The following TACR3 variants were observed in gnomAD, a reference collection of about 807,000 sequenced individuals.
TACR3 encodes the protein neuromedin-K receptor.
Under a neutral mutation model 35.0 loss-of-function variants are expected in TACR3, and 34 were observed. The ratio of observed to expected loss-of-function variants is 0.97; its 90% CI spans 0.74 to 1.30. TACR3 has a LOEUF of 1.30. Among genes scored for constraint, TACR3 ranks in the 50% most tolerant of loss-of-function variants. The pLI is 0.00. For missense variants in TACR3, 558 were observed against 591.7 expected (o/e 0.94, Z 0.59); for synonymous variants, 233 against 221.1 (o/e 1.05, Z -0.48).
At chr4:103,623,778 C>T (rs1157549762) in intron 3 of TACR3, among the ~76,000 whole-genome samples, 1 of 152,198 alleles carries the variant, frequency 6.6e-6, no homozygotes, top group African/African-American at 2.4e-5. Flanking sequence ...TATGCATAGT[C>T]CTTCTTGCAA....
chr4:103,604,168 C>A (rs1724287918), intron 3 of TACR3, among the ~76,000 whole-genome samples: 1 of 152,194 alleles, frequency 6.6e-6, no homozygotes, highest in African/African-American at 2.4e-5. Flanking sequence ...ACCAAAACAC[C>A]ATGGTACTGG....
intron 1 of TACR3, among the ~76,000 whole-genome samples, chr4:103,662,787 A>C (rs1267707228): frequency 6.6e-6 from 1 of 152,224 alleles, no homozygotes; most frequent in Admixed American, 6.5e-5. Context: ...AAAGATTGCC[A>C]GCAAATCACC....
rs761178676 is a variant in TACR3 at position 103,589,653 on chromosome 4, A to T, written c.*29T>A. 1.9e-6 allele frequency: 3 copies of T among 1,612,732 alleles called. No individual in the cohort carries two copies. In the East Asian group the frequency reaches 6.7e-5, roughly 36 times the overall value. ...CCTAGACTGGCACCATGATGGTCTC[A>T]CACTAATCTTTTACCTCAGGAAATG... is the stretch of plus-strand genomic sequence containing the variant. On this transcript the variant is annotated 3_prime_UTR_variant, in exon 5 of 5. Transcript: ENST00000304883.
At chr4:103,590,107 T>C in intron 4 of TACR3, 113 bp from the exon 5 acceptor site, 2 of 1,351,778 alleles carry the variant, frequency 1.5e-6, no homozygotes, top group Non-Finnish European at 2.1e-6. Context: ...TTTTTGAGTT[T>C]GGTTTTTAGC....
intron 1 of TACR3, among the ~76,000 whole-genome samples, chr4:103,676,065 T>G (rs1205287688): frequency 1.3e-5 from 2 of 152,206 alleles, no homozygotes; most frequent in African/African-American, 4.8e-5. Context: ...GCTTCAAAGA[T>G]ATTGTGCTTA....
chr4:103,640,852 T>C (rs1725341047), intron 3 of TACR3, among the ~76,000 whole-genome samples: 1 of 151,934 alleles, frequency 6.6e-6, no homozygotes. Flanking sequence ...AGCCAAAGGA[T>C]TGGACACCCC....
intron 3 of TACR3, among the ~76,000 whole-genome samples, chr4:103,618,430 T>C (rs1724705136): frequency 6.6e-6 from 1 of 152,130 alleles, no homozygotes; most frequent in Non-Finnish European, 1.5e-5. Context: ...TTCTCTTCCA[T>C]TGGTCTAGGT....
chr4:103,702,702 C>T (rs1403079936), intron 1 of TACR3, among the ~76,000 whole-genome samples: 1 of 151,896 alleles, frequency 6.6e-6, no homozygotes, highest in East Asian at 1.9e-4. Flanking sequence ...ACATATACAC[C>T]ATGGAATACT....
intron 3 of TACR3, among the ~76,000 whole-genome samples, chr4:103,653,909 A>C (rs904062328): frequency 1.3e-5 from 2 of 152,146 alleles, no homozygotes; most frequent in Non-Finnish European, 2.9e-5. Context: ...TACTTCTCAA[A>C]AGAAGACATT....
intron 1 of TACR3, among the ~76,000 whole-genome samples, chr4:103,705,519 CAA>C (rs1379685221): frequency 1.7e-5 from 2 of 119,258 alleles, no homozygotes; most frequent in African/African-American, 6.0e-5. Context: ...ACCAAATTAT[CAA>C]CCAAACAGTC....
intron 3 of TACR3, among the ~76,000 whole-genome samples, chr4:103,596,339 A>G (rs1054354110): frequency 6.6e-6 from 1 of 151,942 alleles, no homozygotes; most frequent in Non-Finnish European, 1.5e-5. Context: ...GACTTCCACA[A>G]TGGTTGAACT....
chr4:103,593,402 A>C (rs1723936278), intron 3 of TACR3: 1 of 152,178 alleles, frequency 6.6e-6, no homozygotes, highest in African/African-American at 2.4e-5. Flanking sequence ...GAAATGTATA[A>C]TTTTAATAAA....
intron 1 of TACR3, among the ~76,000 whole-genome samples, chr4:103,706,897 A>T (rs1286314948): frequency 6.6e-6 from 1 of 152,218 alleles, no homozygotes; most frequent in Non-Finnish European, 1.5e-5. Flanking sequence ...TCTGCTTCCC[A>T]AGCTATATCC....
intron 3 of TACR3, among the ~76,000 whole-genome samples, chr4:103,652,018 G>C (rs1034078800): frequency 3.9e-5 from 6 of 152,012 alleles, no homozygotes; most frequent in African/African-American, 1.4e-4. Flanking sequence ...GAAGGAGCCA[G>C]TTCCTTTTGA....
intron 3 of TACR3, among the ~76,000 whole-genome samples, chr4:103,641,567 G>C (rs191962293): frequency 1.3e-5 from 2 of 151,878 alleles, no homozygotes; most frequent in African/African-American, 2.4e-5. Context: ...CAGTATGAAG[G>C]TTACTCAGAA....
At chr4:103,591,303 T>C (rs1321841747) in intron 4 of TACR3, 184 bp downstream of exon 4, 1 of 657,728 alleles carries the variant, frequency 1.5e-6, no homozygotes, top group Non-Finnish European at 2.7e-6. Context: ...ATTATTAATG[T>C]GGGATGCTTT....
intron 3 of TACR3, among the ~76,000 whole-genome samples, chr4:103,641,767 T>C (rs1164617314): frequency 6.6e-6 from 1 of 151,932 alleles, no homozygotes; most frequent in Non-Finnish European, 1.5e-5. Context: ...ACGTGGCATA[T>C]ACACACAATG....
intron 3 of TACR3, among the ~76,000 whole-genome samples, chr4:103,646,216 A>T (rs1725452227): frequency 6.6e-6 from 1 of 151,976 alleles, no homozygotes; most frequent in Non-Finnish European, 1.5e-5. Flanking sequence ...TTGGCACTGA[A>T]CCAATATTAA....
intron 3 of TACR3, among the ~76,000 whole-genome samples, chr4:103,649,994 T>C (rs1725552396): frequency 6.6e-6 from 1 of 152,064 alleles, no homozygotes. Flanking sequence ...GGGAAGGATT[T>C]CTAGATATTC....
Sources: gnomAD v4.1 joint callset for allele counts (sites outside exome capture counted in the v4.1 genomes callset) on GRCh38, gnomAD v4.1.1 for gene constraint, MANE v1.5 for transcripts, NCBI Gene and HGNC (gene_info 2026-07-23, HGNC 2026-07-21) for gene names.